The following ZNF460 variants were observed in gnomAD, a reference collection of about 807,000 sequenced individuals.
The protein encoded by ZNF460 is zinc finger protein 460.
A neutral mutation model predicts 8.4 loss-of-function variants in ZNF460; 1 was observed. The ratio of observed to expected loss-of-function variants is 0.12; its 90% confidence interval spans 0.04 to 0.56. The LOEUF (loss-of-function observed/expected upper bound fraction) is 0.56, where lower values mean the gene tolerates loss of function less well. Among genes scored for constraint, ZNF460 ranks in the 20% least tolerant of loss-of-function variants. ZNF460 has a pLI of 0.91. For missense variants in ZNF460, 477 were observed against 714.8 expected (o/e 0.67, Z 3.79); for synonymous variants, 262 against 259.9 (o/e 1.01, Z -0.08).
intron 1 of ZNF460, among the ~76,000 whole-genome samples, chr19:57,283,145 G>GT (rs59796969): frequency 0.011 from 1,560 of 142,850 alleles, 20 homozygotes; most frequent in African/African-American, 0.033. Context: ...GTGTTTGTTT[G>GT]TTTTTTTTTT....
At chr19:57,281,048 C>T (rs74735865) in intron 1 of ZNF460, among the ~76,000 whole-genome samples, 1,678 of 152,282 alleles carry the variant, frequency 0.011, 30 homozygotes, top group African/African-American at 0.038. Flanking sequence ...AGTGATGCTT[C>T]CTTCTAGGGA....
chr19:57,286,513 A>G (rs2087880425), intron 2 of ZNF460, among the ~76,000 whole-genome samples: 1 of 152,182 alleles, frequency 6.6e-6, no homozygotes, highest in South Asian at 2.1e-4. Flanking sequence ...CTAAAATGGA[A>G]GCCAGATGCC....
chr19:57,284,515 C>G (rs1450288744), intron 1 of ZNF460, 36 bp from the exon 2 acceptor site: 13 of 1,602,878 alleles, frequency 8.1e-6, no homozygotes, highest in Non-Finnish European at 1.0e-5. Flanking sequence ...TCCACAGTTG[C>G]AAAGGAAACA....
At chr19:57,286,145 G>A (rs2087877868) in intron 2 of ZNF460, among the ~76,000 whole-genome samples, 1 of 152,196 alleles carries the variant, frequency 6.6e-6, no homozygotes, top group Admixed American at 6.5e-5. Context: ...TGCAGTTACT[G>A]TATTTTTAGA....
rs2087933428 is a variant in ZNF460, at chr19:57,293,424, A to G, written c.*1194A>G. 1 of 152,176 alleles carries G rather than the reference A, an allele frequency of 6.6e-6. No individual in the cohort carries two copies. The highest frequency in any genetic ancestry group is 6.6e-5 in the Admixed American group (1 of 15,256). The allele number at this position is 152,176 out of a possible 1,614,324, so 9.4% of individuals were successfully genotyped here. ...GTAGTTGTCACCATGGATTGAGTCC[A>G]GTCGTAGTAATTAATATGTTTAATC... On this transcript the variant is annotated 3_prime_UTR_variant, in exon 3 of 3. Transcript: ENST00000360338.
chr19:57,284,541 G>C lies in ZNF460; in HGVS notation c.31-10G>C. ...AAAGGAAACATTACTGGTTCTTTTT[G>C]ACTTTTCAGGAGTCTGTGACCTTCG... is the stretch of plus-strand genomic sequence containing the variant. On this transcript the variant is annotated splice_polypyrimidine_tract_variant and intron_variant, in intron 1 of 2. Transcript: ENST00000360338. 1 of 1,607,210 alleles carries C rather than the reference G, an allele frequency of 6.2e-7. No homozygotes were observed. The highest frequency in any genetic ancestry group is 8.5e-7 in the Non-Finnish European group (1 of 1,178,008).
At chr19:57,288,959 C>T (rs1226174433) in intron 2 of ZNF460, among the ~76,000 whole-genome samples, 1 of 150,612 alleles carries the variant, frequency 6.6e-6, no homozygotes, top group Non-Finnish European at 1.5e-5. Context: ...AACTCCTGGG[C>T]TCAGCTTCCC....
rs142101923 is a variant in ZNF460 at position 57,293,472 on chromosome 19, T to C, written c.*1242T>C. 31 of 152,314 alleles carry C rather than the reference T, an allele frequency of 2.0e-4. No individual in the cohort carries two copies. Among genetic ancestry groups the C allele is most frequent in the African/African-American group, 7.5e-4 (31 of 41,566 alleles). 9.4% of individuals were successfully genotyped at this position (152,314 alleles called of 1,614,324 possible). On this transcript the variant is annotated 3_prime_UTR_variant, in exon 3 of 3. Transcript: ENST00000360338. ...ATCAGAATATTTTGGAATTTCTCTTTTGGTATTCTTTTTGTTTCTTTTATT... is the reference window on the plus strand; with the variant it reads ...ATCAGAATATTTTGGAATTTCTCTTCTGGTATTCTTTTTGTTTCTTTTATT...
chr19:57,287,168 CTGACA>C (rs1384233422), intron 2 of ZNF460, among the ~76,000 whole-genome samples: 1 of 152,170 alleles, frequency 6.6e-6, no homozygotes, highest in Admixed American at 6.5e-5. Context: ...AGTGTGCTCT[CTGACA>C]TATCTGTCTT....
At chr19:57,285,677 T>TA (rs2122887567) in intron 2 of ZNF460, among the ~76,000 whole-genome samples, 1 of 152,354 alleles carries the variant, frequency 6.6e-6, no homozygotes, top group South Asian at 2.1e-4. Context: ...CAAACGTCTA[T>TA]ATGTGGCCAA....
intron 1 of ZNF460, among the ~76,000 whole-genome samples, chr19:57,283,604 C>A (rs147242487): frequency 7.2e-6 from 1 of 139,330 alleles, no homozygotes; most frequent in Non-Finnish European, 1.5e-5. Context: ...CAGGTTCAAG[C>A]GATTCTCCTG....
chr19:57,290,001 A>G (rs2087905247), intron 2 of ZNF460, among the ~76,000 whole-genome samples: 1 of 151,970 alleles, frequency 6.6e-6, no homozygotes, highest in African/African-American at 2.4e-5. Context: ...TTAGCCCAGC[A>G]TGGTGGCGCA....
chr19:57,283,659 A>G (rs34370108), intron 1 of ZNF460, among the ~76,000 whole-genome samples: 24,707 of 150,288 alleles, frequency 0.16, 2,111 homozygotes, highest in Middle Eastern at 0.26. Flanking sequence ...GTGCCACCAC[A>G]CCTGGCTAAT....
At chr19:57,287,935 G>A (rs2087890745) in intron 2 of ZNF460, among the ~76,000 whole-genome samples, 1 of 152,096 alleles carries the variant, frequency 6.6e-6, no homozygotes, top group African/African-American at 2.4e-5. Flanking sequence ...GTTGCAGTGA[G>A]CCAAGATCAC....
At chr19:57,280,010 T>C (rs942734671), upstream of ZNF460, 1 of 152,306 alleles carries the variant, frequency 6.6e-6, no homozygotes, top group Non-Finnish European at 1.5e-5. Context: ...GGGCACACTG[T>C]CAGGCGTCCT....
At chr19:57,284,452 T>C in intron 1 of ZNF460, 99 bp from the exon 2 acceptor site, 5 of 1,478,656 alleles carry the variant, frequency 3.4e-6, no homozygotes, top group Admixed American at 2.1e-5. Context: ...TGATTTGGCC[T>C]TTGATTCTCT....
chr19:57,280,744 G>A lies in ZNF460; in HGVS notation c.-63G>A. ...ACTGAGGCTCGGAGTGCGAAAGTCAGCCGAGGTCGCCCCGCCCAGGACAGA... is the reference window on the plus strand; with the variant it reads ...ACTGAGGCTCGGAGTGCGAAAGTCAACCGAGGTCGCCCCGCCCAGGACAGA... On this transcript the variant is annotated 5_prime_UTR_variant, in exon 1 of 3. Coordinates refer to ENST00000360338, the MANE Select transcript of ZNF460 (RefSeq NM_006635.4). 1 of 1,606,418 alleles carries A rather than the reference G, an allele frequency of 6.2e-7. No individual in the cohort carries two copies. The highest frequency in any genetic ancestry group is 1.7e-4 in the Middle Eastern group (1 of 5,988).
Position 57,284,624 on chromosome 19 carries a change from G to A in ZNF460, c.104G>A (p.Arg35Lys), listed in dbSNP as rs1270643329. Residue 35 changes from arginine (R) to lysine (K), a missense_variant, in exon 2 of 3, where the codon AGG becomes AAG. Physicochemically the swap from Arg to Lys is conservative, Grantham distance 26. This residue lies in a region of ZNF460 where 10 missense variants were observed against 39.8 expected (regional missense o/e 0.25). Coordinates refer to ENST00000360338, the MANE Select transcript of ZNF460 (RefSeq NM_006635.4). ...TGGGGGCAGTTGGACGTGACCCAGA[G>A]GGCCTTGTACGTGGAGGTGATGCTG... is the stretch of plus-strand genomic sequence containing the variant. ...EEWGQLDVTQRALYVEVMLET... is the reference protein window; with the variant it reads ...EEWGQLDVTQKALYVEVMLET... The A allele has an allele frequency of 6.2e-7, 1 of 1,613,558 alleles. No homozygotes were observed. Among genetic ancestry groups the A allele is most frequent in the African/African-American group, 1.3e-5 (1 of 74,848 alleles).
At chr19:57,284,298 T>A (rs909322852) in intron 1 of ZNF460, among the ~76,000 whole-genome samples, 1 of 151,952 alleles carries the variant, frequency 6.6e-6, no homozygotes, top group African/African-American at 2.4e-5. Context: ...CGATCTCAGC[T>A]CACTGCAATC....
Sources: allele counts gnomAD v4.1 joint callset (sites outside exome capture counted in the v4.1 genomes callset), GRCh38; gene constraint gnomAD v4.1.1; regional missense constraint gnomAD v4.1.1; transcripts MANE v1.5; gene names NCBI Gene and HGNC (gene_info 2026-07-23, HGNC 2026-07-21).